Variants in COMMD1 observed in about 807,000 individuals in gnomAD.
COMMD1 encodes copper metabolism domain containing 1.
In COMMD1, 10 loss-of-function variants were observed where a neutral mutation model predicts 17.2. That is an observed-to-expected ratio of 0.58 (90% confidence interval 0.36 to 0.99). The LOEUF (loss-of-function observed/expected upper bound fraction) is 0.99. Ranked by LOEUF, COMMD1 falls within the 50% of genes least tolerant of loss-of-function variation. The probability of loss-of-function intolerance (pLI) is 0.01; values close to 1 mark genes in which losing one functional copy is unlikely to be tolerated. For synonymous variants in COMMD1, 97 were observed against 91.6 expected, an observed-to-expected ratio of 1.06 and a Z score of -0.34; for missense variants, 270 against 231.8, an observed-to-expected ratio of 1.17 and a Z score of -1.07.
chr2:61,906,596 G>A (rs1158868844), intron 1 of COMMD1, among the ~76,000 whole-genome samples: 1 of 150,508 alleles, frequency 6.6e-6, no homozygotes, highest in East Asian at 1.9e-4. Context: ...CCATCATATT[G>A]GACAACTCTA....
chr2:61,909,870 C>T (rs982941952), intron 1 of COMMD1, among the ~76,000 whole-genome samples: 2 of 152,180 alleles, frequency 1.3e-5, no homozygotes, highest in Non-Finnish European at 2.9e-5. Flanking sequence ...TTTCACAGGC[C>T]ATGTTTTCAG....
chr2:61,896,302 C>T (rs1669547368), intron 1 of COMMD1, among the ~76,000 whole-genome samples: 1 of 152,138 alleles, frequency 6.6e-6, no homozygotes, highest in South Asian at 2.1e-4. Context: ...GAACTCAAAT[C>T]TGGCTGGGTG....
chr2:61,979,663 C>G (rs1374307842), intron 1 of COMMD1, among the ~76,000 whole-genome samples: 3 of 152,138 alleles, frequency 2.0e-5, no homozygotes, highest in Non-Finnish European at 4.4e-5. Context: ...TACTAATTTA[C>G]CTTCCCACCA....
intron 1 of COMMD1, among the ~76,000 whole-genome samples, chr2:61,975,118 C>CTTTCTTTTTTTTT (rs375361774): frequency 1.2e-5 from 1 of 80,166 alleles, no homozygotes; most frequent in Admixed American, 1.7e-4. Flanking sequence ...TCATTTCTTT[C>CTTTCTTTTTTTTT]TTTTTTTTTT....
chr2:61,933,193 T>G (rs1216596402), intron 1 of COMMD1, among the ~76,000 whole-genome samples: 3 of 151,764 alleles, frequency 2.0e-5, no homozygotes. Flanking sequence ...TCTCTGATGC[T>G]CAGTTTCTTC....
At chr2:62,056,726 A>T (rs567531943) in intron 2 of COMMD1, among the ~76,000 whole-genome samples, 10 of 152,320 alleles carry the variant, frequency 6.6e-5, no homozygotes, top group African/African-American at 2.4e-4. Flanking sequence ...TTTGAGCATT[A>T]CTTTCCAACC....
Position 62,066,364 on chromosome 2 carries a change from A to G in COMMD1, c.462+65382A>G, listed in dbSNP as rs187472749. Among the ~76,000 whole-genome samples, 180 of 152,208 alleles carry G rather than the reference A, an allele frequency of 1.2e-3. 1 individual carries two copies. Among genetic ancestry groups the G allele is most frequent in the Middle Eastern group, 6.8e-3 (2 of 294 alleles). On this transcript the variant is annotated intron_variant, in intron 2 of 2. Coordinates refer to ENST00000311832, the MANE Select transcript of COMMD1 (RefSeq NM_152516.4). Reference sequence around the variant, plus strand: ...AAAATGCCTAAACTCCCAGGGAAAAATGAGGGGAAATTTTGACTACAGCCG... The same window carrying G: ...AAAATGCCTAAACTCCCAGGGAAAAGTGAGGGGAAATTTTGACTACAGCCG...
In COMMD1 at chr2:61,983,451, A is replaced by T. The variant is rs796939061; in HGVS notation, c.181-17250A>T. Among the ~76,000 whole-genome samples, 3 of 152,108 alleles carry T rather than the reference A, an allele frequency of 2.0e-5. No homozygotes were observed. The South Asian group carries it at 6.2e-4, about 32-fold the overall frequency. On this transcript the variant is annotated intron_variant, in intron 1 of 2. Transcript: ENST00000311832. ...GTGATCCGACCGCCTCGGCCTCCCAAAGTGCTAGGATTACAAGCATGAGCC... is the reference window on the plus strand; with the variant it reads ...GTGATCCGACCGCCTCGGCCTCCCATAGTGCTAGGATTACAAGCATGAGCC...
intron 2 of COMMD1, among the ~76,000 whole-genome samples, chr2:62,025,159 G>T (rs1050092058): frequency 3.3e-5 from 5 of 152,088 alleles, no homozygotes; most frequent in Non-Finnish European, 7.4e-5. Context: ...GGTGGAGGTT[G>T]CAATGAGCCA....
At chr2:62,065,052 C>T (rs1289114502) in intron 2 of COMMD1, among the ~76,000 whole-genome samples, 2 of 152,092 alleles carry the variant, frequency 1.3e-5, no homozygotes, top group Non-Finnish European at 2.9e-5. Flanking sequence ...CCTGTAATCC[C>T]AGCTACTTGT....
chr2:62,128,320 T>C (rs1672937608), intron 2 of COMMD1, among the ~76,000 whole-genome samples: 1 of 145,544 alleles, frequency 6.9e-6, no homozygotes, highest in Non-Finnish European at 1.5e-5. Flanking sequence ...AGTGTGAGAC[T>C]CTGTCTAAAA....
intron 2 of COMMD1, among the ~76,000 whole-genome samples, chr2:62,107,405 A>G (rs1672347775): frequency 6.6e-6 from 1 of 152,178 alleles, no homozygotes; most frequent in Admixed American, 6.6e-5. Context: ...TGAGGTTGAA[A>G]CATGAGCTGG....
chr2:62,055,218 A>G (rs183368047), intron 2 of COMMD1, among the ~76,000 whole-genome samples: 1 of 152,244 alleles, frequency 6.6e-6, no homozygotes, highest in African/African-American at 2.4e-5. Flanking sequence ...CCTGCCCACT[A>G]TTTACCACTT....
intron 2 of COMMD1, among the ~76,000 whole-genome samples, chr2:62,033,344 A>G (rs2103879231): frequency 6.6e-6 from 1 of 152,342 alleles, no homozygotes; most frequent in Non-Finnish European, 1.5e-5. Context: ...TTATGCTTTT[A>G]CTTACCTTTC....
intron 2 of COMMD1, among the ~76,000 whole-genome samples, chr2:62,032,230 C>T (rs371262585): frequency 7.9e-5 from 12 of 152,272 alleles, no homozygotes; most frequent in African/African-American, 2.9e-4. Flanking sequence ...TCAAATCTGA[C>T]TGTGCCAGAA....
chr2:61,906,064 T>C (rs1669765240), intron 1 of COMMD1, among the ~76,000 whole-genome samples: 1 of 152,246 alleles, frequency 6.6e-6, no homozygotes, highest in African/African-American at 2.4e-5. Context: ...CTTTTTCTGC[T>C]GAAGTTCCCA....
intron 2 of COMMD1, among the ~76,000 whole-genome samples, chr2:62,050,057 C>T (rs1412559010): frequency 6.6e-6 from 1 of 152,094 alleles, no homozygotes; most frequent in Non-Finnish European, 1.5e-5. Flanking sequence ...TCTATAACAG[C>T]GCTTCACTGG....
chr2:61,896,017 G>A (rs372412038), intron 1 of COMMD1, among the ~76,000 whole-genome samples: 12 of 152,278 alleles, frequency 7.9e-5, no homozygotes, highest in African/African-American at 2.9e-4. Flanking sequence ...TCAATTCAGG[G>A]ACCCAATAGG....
intron 1 of COMMD1, among the ~76,000 whole-genome samples, chr2:61,952,810 A>T (rs888697488): frequency 6.6e-6 from 1 of 152,164 alleles, no homozygotes; most frequent in African/African-American, 2.4e-5. Context: ...TTATGTTTCT[A>T]TGGATGTATG....
Sources: gnomAD v4.1 joint callset for allele counts (sites outside exome capture counted in the v4.1 genomes callset) on GRCh38, gnomAD v4.1.1 for gene constraint, MANE v1.5 for transcripts, NCBI Gene and HGNC (gene_info 2026-07-23, HGNC 2026-07-21) for gene names.